Variants in CSMD1 observed in about 807,000 individuals in gnomAD.
CSMD1 encodes CUB and Sushi multiple domains 1, also known as CUB and sushi domain-containing protein 1.
A neutral mutation model predicts 417.5 loss-of-function variants in CSMD1; 213 were observed. The observed-to-expected ratio is 0.51, with a 90% CI of 0.46 to 0.57. CSMD1 has a LOEUF of 0.57. Ranked by LOEUF, CSMD1 falls within the 20% of genes least tolerant of loss-of-function variation. CSMD1 has a pLI of 0.00. For synonymous variants in CSMD1, 2,862 were observed against 1,736.8 expected (o/e 1.65, Z -16.11); for missense variants, 6,923 against 4,529.7 (o/e 1.53, Z -15.17).
At chr8:4,676,057 C>T (rs986322575) in intron 1 of CSMD1, among the ~76,000 whole-genome samples, 4 of 152,134 alleles carry the variant, frequency 2.6e-5, no homozygotes, top group African/African-American at 9.7e-5. Flanking sequence ...TTTCAACAGT[C>T]CTAGAAAGTA....
intron 3 of CSMD1, among the ~76,000 whole-genome samples, chr8:4,209,215 T>A (rs1448100247): frequency 6.6e-6 from 1 of 151,848 alleles, no homozygotes; most frequent in African/African-American, 2.4e-5. Flanking sequence ...TTTCAACACT[T>A]TTAAAAAGAC....
At chr8:4,745,090 T>C (rs1057379360) in intron 1 of CSMD1, among the ~76,000 whole-genome samples, 1 of 152,144 alleles carries the variant, frequency 6.6e-6, no homozygotes, top group Non-Finnish European at 1.5e-5. Context: ...TCTCGAGAAA[T>C]GCGTAAGAAT....
At chr8:4,841,101 T>G (rs1476778697) in intron 1 of CSMD1, among the ~76,000 whole-genome samples, 1 of 152,220 alleles carries the variant, frequency 6.6e-6, no homozygotes, top group Non-Finnish European at 1.5e-5. Flanking sequence ...AGGATCTTTG[T>G]CGACTGCAGA....
At chr8:4,958,169 GATCA>G (rs1563868370) in intron 1 of CSMD1, among the ~76,000 whole-genome samples, 1 of 151,978 alleles carries the variant, frequency 6.6e-6, no homozygotes, top group African/African-American at 2.4e-5. Flanking sequence ...ATGTTGTTTC[GATCA>G]ATTTGTGTTT....
chr8:2,992,880 G>A (rs921973141), intron 54 of CSMD1, among the ~76,000 whole-genome samples: 1 of 151,848 alleles, frequency 6.6e-6, no homozygotes, highest in South Asian at 2.1e-4. Context: ...TGGAACTACG[G>A]GCATGTACCT....
chr8:4,159,709 C>G (rs1279759237), intron 3 of CSMD1, among the ~76,000 whole-genome samples: 3 of 152,292 alleles, frequency 2.0e-5, no homozygotes, highest in South Asian at 2.1e-4. Flanking sequence ...CTGCCTCAGC[C>G]TCCCGAGCAG....
At chr8:4,093,416 G>A (rs921063299) in intron 3 of CSMD1, among the ~76,000 whole-genome samples, 1 of 152,050 alleles carries the variant, frequency 6.6e-6, no homozygotes, top group African/African-American at 2.4e-5. Flanking sequence ...GCCAACAGAG[G>A]TGTACAATTT....
chr8:3,501,825 C>A (rs369843942), intron 10 of CSMD1, among the ~76,000 whole-genome samples: 2 of 152,096 alleles, frequency 1.3e-5, no homozygotes, highest in East Asian at 1.9e-4. Flanking sequence ...CTTGTTTTCA[C>A]CTGAGGTTGT....
chr8:3,081,987 G>A (rs1299463955), intron 49 of CSMD1, among the ~76,000 whole-genome samples: 4 of 152,084 alleles, frequency 2.6e-5, no homozygotes, highest in Non-Finnish European at 4.4e-5. Flanking sequence ...ATTTCACTGA[G>A]TGGCACCAAA....
At chr8:3,970,405 G>C (rs151246243) in intron 5 of CSMD1, among the ~76,000 whole-genome samples, 7 of 152,264 alleles carry the variant, frequency 4.6e-5, no homozygotes, top group African/African-American at 1.7e-4. Flanking sequence ...GATTGATTAG[G>C]AGGGAACAAT....
intron 37 of CSMD1, 30 bp downstream of exon 37, chr8:3,181,080 G>A (rs774584768): frequency 7.3e-7 from 1 of 1,367,356 alleles, no homozygotes. Flanking sequence ...TATAACAGTG[G>A]AAGCTGTATA....
rs146220302 is a variant in CSMD1 at position 3,425,488 on chromosome 8, T to C, written c.1562-15883A>G. Among the ~76,000 whole-genome samples, 637 of 148,440 alleles carry C rather than the reference T, an allele frequency of 4.3e-3. 3 individuals carry two copies. Among genetic ancestry groups the C allele is most frequent in the Middle Eastern group, 0.036 (10 of 280 alleles). ...CTGTAATCTCAGCTACTTGGGAGGC[T>C]GAGGCAGGAGAACCGCTTGAACCCA... On this transcript the variant is annotated intron_variant, in intron 12 of 69. Coordinates refer to ENST00000635120, the MANE Select transcript of CSMD1 (RefSeq NM_033225.6).
intron 5 of CSMD1, among the ~76,000 whole-genome samples, chr8:3,986,915 C>A (rs1161466078): frequency 6.6e-6 from 1 of 152,036 alleles, no homozygotes; most frequent in Non-Finnish European, 1.5e-5. Context: ...CCACCATGCC[C>A]AGCTAATTTT....
intron 7 of CSMD1, among the ~76,000 whole-genome samples, chr8:3,654,505 A>C (rs559302287): frequency 7.2e-5 from 11 of 152,246 alleles, no homozygotes; most frequent in African/African-American, 2.6e-4. Flanking sequence ...GAGATACCTA[A>C]ATCCACACTG....
intron 22 of CSMD1, among the ~76,000 whole-genome samples, chr8:3,344,123 G>C (rs1251984987): frequency 6.6e-6 from 1 of 152,206 alleles, no homozygotes; most frequent in East Asian, 1.9e-4. Context: ...AGGAAGACAA[G>C]GCTTGGTTTT....
intron 1 of CSMD1, among the ~76,000 whole-genome samples, chr8:4,931,458 G>A (rs183505651): frequency 2.6e-5 from 4 of 152,184 alleles, no homozygotes; most frequent in African/African-American, 7.2e-5. Flanking sequence ...CGCCCAGCCT[G>A]CCCACCGTCT....
At chr8:4,456,171 A>G (rs1192079920) in intron 2 of CSMD1, among the ~76,000 whole-genome samples, 1 of 151,866 alleles carries the variant, frequency 6.6e-6, no homozygotes, top group Non-Finnish European at 1.5e-5. Flanking sequence ...TGTCTTTTGG[A>G]AAAAGCATGA....
At chr8:4,033,611 T>A (rs978505075) in intron 3 of CSMD1, among the ~76,000 whole-genome samples, 2 of 152,172 alleles carry the variant, frequency 1.3e-5, no homozygotes, top group African/African-American at 2.4e-5. Flanking sequence ...GGCTCAATCC[T>A]CTTGGGCACT....
chr8:3,830,335 G>C (rs557711463), intron 5 of CSMD1, among the ~76,000 whole-genome samples: 2 of 152,332 alleles, frequency 1.3e-5, no homozygotes, highest in East Asian at 3.9e-4. Flanking sequence ...CGAATGATTG[G>C]TCGTTGGTTC....
Sources: allele counts gnomAD v4.1 joint callset (sites outside exome capture counted in the v4.1 genomes callset), GRCh38; gene constraint gnomAD v4.1.1; transcripts MANE v1.5; gene names NCBI Gene and HGNC (gene_info 2026-07-23, HGNC 2026-07-21).